The following OR2C3 variants were observed in gnomAD, a reference collection of about 807,000 sequenced individuals.
OR2C3 encodes olfactory receptor family 2 subfamily C member 3, also known as olfactory receptor 2C3.
For synonymous variants in OR2C3, 178 were observed against 163.4 expected, an observed-to-expected ratio of 1.09 and a Z score of -0.68; for missense variants, 425 against 401.5, an observed-to-expected ratio of 1.06 and a Z score of -0.50.
chr1:247,535,512 A>G (rs1264391828), intron 1 of OR2C3, among the ~76,000 whole-genome samples: 2 of 152,218 alleles, frequency 1.3e-5, no homozygotes, highest in South Asian at 4.1e-4. Flanking sequence ...GGTTAAACTG[A>G]CAACTGCATT....
intron 1 of OR2C3, among the ~76,000 whole-genome samples, chr1:247,535,222 A>G (rs1411496733): frequency 6.6e-6 from 1 of 152,184 alleles, no homozygotes; most frequent in Admixed American, 6.5e-5. Context: ...AGCTGAGGCT[A>G]GAGGATGGCT....
In OR2C3 at chr1:247,532,362, G is replaced by A. The variant is rs1185948628; in HGVS notation, c.150C>T (p.Ser50=). 6.2e-7 allele frequency: 1 copy of A among 1,614,112 alleles called. No individual in the cohort carries two copies. The highest frequency in any genetic ancestry group is 2.2e-5 in the East Asian group (1 of 44,872). ...GTGTGTGGAGGTGCACATCTGTATG[G>A]GAGACCAGAATGATGATGCCATTGC... ...ILGNGIIILV[S]HTDVHLHTPM... The change falls in exon 3 of 3, where the codon TCC becomes TCT. Residue 50 remains serine (S), a synonymous_variant. Coordinates refer to ENST00000641802, the MANE Select transcript of OR2C3 (RefSeq NM_198074.6).
At position 247,531,736 on chromosome 1, in the gene OR2C3, A is replaced by T. The variant is rs770566998; in HGVS notation, c.776T>A (p.Met259Lys). 6.2e-7 allele frequency: 1 copy of T among 1,614,212 alleles called. No individual in the cohort carries two copies. The highest frequency in any genetic ancestry group is 1.7e-5 in the Admixed American group (1 of 60,018). The change falls in exon 3 of 3, where the codon ATG becomes AAG. Residue 259 changes from methionine to lysine, a missense_variant. Coordinates refer to ENST00000641802, the MANE Select transcript of OR2C3 (RefSeq NM_198074.6). Reference sequence around the variant, plus strand: ...GGTGCTCTTGGCTGGCTGGAGATACATGAAGATGATGCTCCCGTAAAACAG... The same window carrying T: ...GGTGCTCTTGGCTGGCTGGAGATACTTGAAGATGATGCTCCCGTAAAACAG... ...VSLFYGSIIFMYLQPAKSTSH... is the reference protein window; with the variant it reads ...VSLFYGSIIFKYLQPAKSTSH...
At position 247,526,618 on chromosome 1, in the gene OR2C3, G is replaced by GT. The variant is rs1329470473; in HGVS notation, c.*4930dup. 4.1e-6 allele frequency: 1 copy of GT among 241,420 alleles called. No individual in the cohort carries two copies. Among genetic ancestry groups the GT allele is most frequent in the Non-Finnish European group, 8.2e-6 (1 of 122,180 alleles). 15.0% of individuals were successfully genotyped at this position (241,420 alleles called of 1,614,324 possible). On this transcript the variant is annotated 3_prime_UTR_variant, in exon 3 of 3. Transcript: ENST00000641802. This position sits in a 1 kb window ranked among gnomAD's most constrained non-coding sequence, Gnocchi z 4.8. ...TCCACATTTCTCAGCTGTGCATGCT[G>GT]TGGTGATGCATGACCCTCACAGTGT...
chr1:247,525,248 A>G lies in OR2C3; in HGVS notation c.*6301T>C, dbSNP rs890011669. On this transcript the variant is annotated 3_prime_UTR_variant, in exon 3 of 3. Transcript: ENST00000641802. ...AGCCCATACACCAAGCAAACAATCAATCCTATGGCAGACACCAGCTGGGTG... is the reference window on the plus strand; with the variant it reads ...AGCCCATACACCAAGCAAACAATCAGTCCTATGGCAGACACCAGCTGGGTG... The G allele has an allele frequency of 3.9e-5, 6 of 152,140 alleles. No homozygotes were observed. The highest frequency in any genetic ancestry group is 1.2e-4 in the African/African-American group (5 of 41,416). The allele number at this position is 152,140 out of a possible 1,614,324, so 9.4% of individuals were successfully genotyped here.
chr1:247,526,539 T>C lies in OR2C3; in HGVS notation c.*5010A>G, dbSNP rs903519919. ...GTGAAATGCATCTTACTTCAGGAAG[T>C]GTGTCTCCACTGGCTTACATCCCCA... On this transcript the variant is annotated 3_prime_UTR_variant, in exon 3 of 3. Coordinates refer to ENST00000641802, the MANE Select transcript of OR2C3 (RefSeq NM_198074.6). This position sits in a 1 kb window ranked among gnomAD's most constrained non-coding sequence, Gnocchi z 4.8. 1.2e-5 allele frequency: 2 copies of C among 162,992 alleles called. No homozygotes were observed. The highest frequency in any genetic ancestry group is 6.0e-5 in the Admixed American group (1 of 16,710). 10.1% of individuals were successfully genotyped at this position (162,992 alleles called of 1,614,324 possible). A position where few individuals can be genotyped will look rare whatever the true frequency, so the allele number is the denominator to read the frequency against.
chr1:247,532,599 C>T, intron 2 of OR2C3, 59 bp from the exon 3 acceptor site: 1 of 1,231,156 alleles, frequency 8.1e-7, no homozygotes, highest in African/African-American at 1.5e-5. Context: ...CATCAGTTAG[C>T]AAACATTAAA....
chr1:247,527,255 T>A lies in OR2C3; in HGVS notation c.*4294A>T. On this transcript the variant is annotated 3_prime_UTR_variant, in exon 3 of 3. Coordinates refer to ENST00000641802, the MANE Select transcript of OR2C3 (RefSeq NM_198074.6). This position sits in a 1 kb window ranked among gnomAD's most constrained non-coding sequence, Gnocchi z 4.6. ...GATGGATGGTCAGGGCAAAGCACAG[T>A]GCTGTCCTCATGGTTCTGGGAGGGT... The A allele has an allele frequency of 2.8e-6, 1 of 362,896 alleles. No homozygotes were observed. Among genetic ancestry groups the A allele is most frequent in the East Asian group, 7.4e-5 (1 of 13,550 alleles). 22.5% of individuals were successfully genotyped at this position (362,896 alleles called of 1,614,324 possible). A position where few individuals can be genotyped will look rare whatever the true frequency, so the allele number is the denominator to read the frequency against.
rs1216627520 is a variant in OR2C3 at position 247,530,333 on chromosome 1, C to T, written c.*1216G>A. ...AGAAGTTCTTTAACATCTGGAAAGA[C>T]TAGCTGTTGTAAATTAGGACTCGTT... is the stretch of plus-strand genomic sequence containing the variant. On this transcript the variant is annotated 3_prime_UTR_variant, in exon 3 of 3. Coordinates refer to ENST00000641802, the MANE Select transcript of OR2C3 (RefSeq NM_198074.6). 12 of 152,136 alleles carry T rather than the reference C, an allele frequency of 7.9e-5. No homozygotes were observed. Among genetic ancestry groups the T allele is most frequent in the Admixed American group, 7.9e-4 (12 of 15,280 alleles). 9.4% of individuals were successfully genotyped at this position (152,136 alleles called of 1,614,324 possible). A position where few individuals can be genotyped will look rare whatever the true frequency, so the allele number is the denominator to read the frequency against.
rs1666654438 is a variant in OR2C3, at chr1:247,525,753, C to T, written c.*5796G>A. 6.6e-6 allele frequency: 1 copy of T among 152,226 alleles called. No individual in the cohort carries two copies. Among genetic ancestry groups the T allele is most frequent in the South Asian group, 2.1e-4 (1 of 4,830 alleles). 9.4% of individuals were successfully genotyped at this position (152,226 alleles called of 1,614,324 possible). A position where few individuals can be genotyped will look rare whatever the true frequency, so the allele number is the denominator to read the frequency against. ...TTCTGCTTAACATTCATCCCTTCTT[C>T]CCTCCATGGAGGTTGGGGGCTGGGT... On this transcript the variant is annotated 3_prime_UTR_variant, in exon 3 of 3. Coordinates refer to ENST00000641802, the MANE Select transcript of OR2C3 (RefSeq NM_198074.6).
At position 247,525,447 on chromosome 1, in the gene OR2C3, T is replaced by C. The variant is rs995327838; in HGVS notation, c.*6102A>G. 6.6e-6 allele frequency: 1 copy of C among 152,230 alleles called. No homozygotes were observed. The highest frequency in any genetic ancestry group is 2.4e-5 in the African/African-American group (1 of 41,466). The allele number at this position is 152,230 out of a possible 1,614,324, so 9.4% of individuals were successfully genotyped here. A position where few individuals can be genotyped will look rare whatever the true frequency, so the allele number is the denominator to read the frequency against. Reference sequence around the variant, plus strand: ...TAAGTCTGGGTTACCACAGCCCCCTTCTTGGGTTCAATTAATTTGCTAGAG... The same window carrying C: ...TAAGTCTGGGTTACCACAGCCCCCTCCTTGGGTTCAATTAATTTGCTAGAG... On this transcript the variant is annotated 3_prime_UTR_variant, in exon 3 of 3. Transcript: ENST00000641802.
chr1:247,527,690 A>G lies in OR2C3; in HGVS notation c.*3859T>C, dbSNP rs914672283. ...GAAGCACATAATGTATAGTGATCAG[A>G]TAAGTGTGATTAGAATATCCATCAT... On this transcript the variant is annotated 3_prime_UTR_variant, in exon 3 of 3. Transcript: ENST00000641802. The surrounding 1 kb of genome is among the most constrained non-coding windows in gnomAD (Gnocchi z 4.6). 2.6e-5 allele frequency: 4 copies of G among 152,262 alleles called. No homozygotes were observed. Among genetic ancestry groups the G allele is most frequent in the Admixed American group, 6.5e-5 (1 of 15,292 alleles). 9.4% of individuals were successfully genotyped at this position (152,262 alleles called of 1,614,324 possible). A position where few individuals can be genotyped will look rare whatever the true frequency, so the allele number is the denominator to read the frequency against.
rs1431172266 is a variant in OR2C3, at chr1:247,528,995, G to A, written c.*2554C>T. On this transcript the variant is annotated 3_prime_UTR_variant, in exon 3 of 3. Coordinates refer to ENST00000641802, the MANE Select transcript of OR2C3 (RefSeq NM_198074.6). ...CAGCAGGCTTGCTCATTGAGCCTAT[G>A]AGAAATTTAACATGGAAGCAGGGAT... 6.6e-6 allele frequency: 1 copy of A among 152,156 alleles called. No homozygotes were observed. The highest frequency in any genetic ancestry group is 6.5e-5 in the Admixed American group (1 of 15,270). 9.4% of individuals were successfully genotyped at this position (152,156 alleles called of 1,614,324 possible).
At position 247,530,516 on chromosome 1, in the gene OR2C3, A is replaced by ACC. The variant is rs753278779; in HGVS notation, c.*1032_*1033insGG. On this transcript the variant is annotated 3_prime_UTR_variant, in exon 3 of 3. Coordinates refer to ENST00000641802, the MANE Select transcript of OR2C3 (RefSeq NM_198074.6). ...TGAACCAGTCCACAAACACCATGCC[A>ACC]TCCCCCCCCCACAAAATAACATTTC... 6.8e-5 allele frequency: 4 copies of ACC among 58,568 alleles called. No individual in the cohort carries two copies. The highest frequency in any genetic ancestry group is 1.2e-4 in the African/African-American group (3 of 24,862). 3.6% of individuals were successfully genotyped at this position (58,568 alleles called of 1,614,324 possible).
At chr1:247,535,943 G>T (rs1667201607) in intron 1 of OR2C3, among the ~76,000 whole-genome samples, 1 of 152,190 alleles carries the variant, frequency 6.6e-6, no homozygotes, top group African/African-American at 2.4e-5. Flanking sequence ...GAAACGTCTT[G>T]AGTTCAAATT....
chr1:247,533,865 AT>A lies in OR2C3; in HGVS notation c.-389del, dbSNP rs1264621256. On this transcript the variant is annotated 5_prime_UTR_variant, in exon 2 of 3. Coordinates refer to ENST00000641802, the MANE Select transcript of OR2C3 (RefSeq NM_198074.6). The stretch of plus-strand genomic sequence containing the variant: ...TGAAATTTCAGAGGACAAAGGTGAA[AT>A]TTTCCCTCACTCCTACGAAAGCAAT... 6.6e-6 allele frequency: 1 copy of A among 152,056 alleles called. No individual in the cohort carries two copies. The highest frequency in any genetic ancestry group is 2.4e-5 in the African/African-American group (1 of 41,394). The allele number at this position is 152,056 out of a possible 1,614,324, so 9.4% of individuals were successfully genotyped here. A position where few individuals can be genotyped will look rare whatever the true frequency, so the allele number is the denominator to read the frequency against.
At chr1:247,535,287 C>G (rs1294251071) in intron 1 of OR2C3, among the ~76,000 whole-genome samples, 1 of 152,110 alleles carries the variant, frequency 6.6e-6, no homozygotes, top group East Asian at 1.9e-4. Context: ...TGCACTCCAG[C>G]CTGGGCAACA....
In OR2C3 at chr1:247,524,832, A is replaced by G. The variant is rs572437623; in HGVS notation, c.*6717T>C. ...GACAAAGATGTGTAGAATCATGTCA[A>G]CTACCGCTACAAATCAGTAAGCAAA... On this transcript the variant is annotated 3_prime_UTR_variant, in exon 3 of 3. Coordinates refer to ENST00000641802, the MANE Select transcript of OR2C3 (RefSeq NM_198074.6). The G allele has an allele frequency of 1.3e-5, 2 of 152,328 alleles. No individual in the cohort carries two copies. Among genetic ancestry groups the G allele is most frequent in the Non-Finnish European group, 1.5e-5 (1 of 68,022 alleles). The allele number at this position is 152,328 out of a possible 1,614,324, so 9.4% of individuals were successfully genotyped here.
In OR2C3 at chr1:247,531,808, C is replaced by G. The variant is rs538753683; in HGVS notation, c.704G>C (p.Arg235Pro). The G allele has an allele frequency of 6.2e-7, 1 of 1,614,180 alleles. No individual in the cohort carries two copies. The highest frequency in any genetic ancestry group is 1.3e-5 in the African/African-American group (1 of 75,032). ...AVLKIRSAEG[R>P]RKAFNTCSSH... ...AGAACAGGTGTTGAATGCCTTTCTC[C>G]GCCCTTCTGCTGACCTGATCTTCAA... The change falls in exon 3 of 3, where the codon CGG (arginine) becomes CCG (proline). Residue 235 changes from arginine to proline, a missense_variant. Coordinates refer to ENST00000641802, the MANE Select transcript of OR2C3 (RefSeq NM_198074.6).
Sources: gnomAD v4.1 joint callset for allele counts (sites outside exome capture counted in the v4.1 genomes callset) on GRCh38, gnomAD v4.1.1 for gene constraint, Gnocchi (gnomAD v3.1) non-coding constraint, MANE v1.5 for transcripts, NCBI Gene and HGNC (gene_info 2026-07-23, HGNC 2026-07-21) for gene names.